The following FPR2 variants were observed in gnomAD, a reference collection of about 807,000 sequenced individuals.
FPR2 encodes N-formyl peptide receptor 2.
A neutral mutation model predicts 4.0 loss-of-function variants in FPR2; 3 were observed. The ratio of observed to expected loss-of-function variants is 0.74; its 90% confidence interval spans 0.34 to 1.92. The LOEUF (loss-of-function observed/expected upper bound fraction) is 1.92. FPR2 is among the 30% of genes most tolerant of loss of function. The probability of loss-of-function intolerance (pLI) is 0.07; values close to 1 mark genes in which losing one functional copy is unlikely to be tolerated. For missense variants in FPR2, 372 were observed against 435.7 expected (o/e 0.85, Z 1.30); for synonymous variants, 179 against 171.5 (o/e 1.04, Z -0.34).
chr19:51,762,243 G>A (rs757025743), intron 1 of FPR2, among the ~76,000 whole-genome samples: 14 of 151,258 alleles, frequency 9.3e-5, no homozygotes, highest in African/African-American at 2.2e-4. Context: ...CCGCCATCAC[G>A]CCCAGCTAAT....
chr19:51,769,071 C>T lies in FPR2; in HGVS notation c.413C>T (p.Thr138Ile). ...CCAGTCTGGGCCCAGAACCACCGCA[C>T]TGTGAGTCTGGCCATGAAGGTGATC... ...LHPVWAQNHR[T>I]VSLAMKVIVG... Residue 138 changes from threonine (T) to isoleucine (I), a missense_variant, in exon 2 of 2, where the codon ACT (threonine) becomes ATT (isoleucine). Coordinates refer to ENST00000340023, the MANE Select transcript of FPR2 (RefSeq NM_001005738.2). The surrounding 1 kb of genome is among the most constrained non-coding windows in gnomAD (Gnocchi z 4.4). The T allele has an allele frequency of 1.2e-6, 2 of 1,614,216 alleles. No individual in the cohort carries two copies. The highest frequency in any genetic ancestry group is 1.3e-5 in the African/African-American group (1 of 75,050).
rs975987755 is a variant in FPR2 at position 51,770,531 on chromosome 19, A to C, written c.*817A>C. 3 of 167,076 alleles carry C rather than the reference A, an allele frequency of 1.8e-5. No homozygotes were observed. Among genetic ancestry groups the C allele is most frequent in the African/African-American group, 7.2e-5 (3 of 41,456 alleles). 10.3% of individuals were successfully genotyped at this position (167,076 alleles called of 1,614,324 possible). On this transcript the variant is annotated 3_prime_UTR_variant, in exon 2 of 2. Coordinates refer to ENST00000340023, the MANE Select transcript of FPR2 (RefSeq NM_001005738.2). ...TCAGAAAAATTCACCAGTGAAGCCAACTTGGTCTTGTGTTTTCTTTCTGGG... is the reference window on the plus strand; with the variant it reads ...TCAGAAAAATTCACCAGTGAAGCCACCTTGGTCTTGTGTTTTCTTTCTGGG...
chr19:51,768,524 GTAGA>G (rs1399123330), intron 1 of FPR2, 117 bp from the exon 2 acceptor site: 1 of 765,142 alleles, frequency 1.3e-6, no homozygotes, highest in African/African-American at 1.8e-5. Flanking sequence ...ACAAGGCTTG[GTAGA>G]TAGAGTGGGT....
Position 51,769,986 on chromosome 19 carries a change from A to G in FPR2, c.*272A>G. 1 of 436,342 alleles carries G rather than the reference A, an allele frequency of 2.3e-6. No homozygotes were observed. The allele number at this position is 436,342 out of a possible 1,614,324, so 27.0% of individuals were successfully genotyped here. ...AAGAGAAAGACCAGTGGGGATTTGTAAGACTTAGATGAGATAGCGCATAAT... is the reference window on the plus strand; with the variant it reads ...AAGAGAAAGACCAGTGGGGATTTGTGAGACTTAGATGAGATAGCGCATAAT... On this transcript the variant is annotated 3_prime_UTR_variant, in exon 2 of 2. Transcript: ENST00000340023. The surrounding 1 kb of genome is among the most constrained non-coding windows in gnomAD (Gnocchi z 4.4).
chr19:51,766,840 C>T (rs1037817154), intron 1 of FPR2, among the ~76,000 whole-genome samples: 3 of 152,214 alleles, frequency 2.0e-5, no homozygotes, highest in Admixed American at 2.0e-4. Context: ...ATAGCCCAGT[C>T]TGAGATGATT....
At chr19:51,768,416 G>A (rs117354798) in intron 1 of FPR2, 5,948 of 489,628 alleles carry the variant, frequency 0.012, 59 homozygotes, top group South Asian at 0.018. Flanking sequence ...TGATCAGCCC[G>A]ATAAGCGAAA....
At chr19:51,762,444 G>T (rs1412171082) in intron 1 of FPR2, 1 of 151,346 alleles carries the variant, frequency 6.6e-6, no homozygotes, top group Non-Finnish European at 1.4e-5. Flanking sequence ...CCAGGCTGGA[G>T]TGCAATGGCA....
rs926228240 is a variant in FPR2 at position 51,768,429 on chromosome 19, C to A, written c.-14-216C>A. On this transcript the variant is annotated intron_variant, in intron 1 of 1. Coordinates refer to ENST00000340023, the MANE Select transcript of FPR2 (RefSeq NM_001005738.2). ...AGTGATCAGCCCGATAAGCGAAATG[C>A]ATATTGATAATGATGGGAATATGGA... 2.9e-5 allele frequency: 15 copies of A among 523,076 alleles called. No individual in the cohort carries two copies. The East Asian group carries it at 3.9e-4, about 14-fold the overall frequency. 32.4% of individuals were successfully genotyped at this position (523,076 alleles called of 1,614,324 possible).
At chr19:51,761,733 C>A (rs191499450) in intron 1 of FPR2, among the ~76,000 whole-genome samples, 130 of 152,204 alleles carry the variant, frequency 8.5e-4, no homozygotes, top group Non-Finnish European at 1.3e-3. Flanking sequence ...GCCGAGGTTG[C>A]AGTGAGCCGA....
Position 51,768,868 on chromosome 19 carries a change from T to G in FPR2, c.210T>G (p.Ala70=). The G allele has an allele frequency of 6.2e-7, 1 of 1,614,216 alleles. No homozygotes were observed. The highest frequency in any genetic ancestry group is 8.5e-7 in the Non-Finnish European group (1 of 1,180,032). ...TCTGTTACCTGAACCTGGCCCTGGC[T>G]GACTTTTCTTTCACGGCCACATTAC... The part of the protein sequence containing the change: ...TTICYLNLAL[A]DFSFTATLPF... The change falls in exon 2 of 2, where the codon GCT becomes GCG. Residue 70 remains alanine (A), a synonymous_variant. Transcript: ENST00000340023.
Position 51,769,089 on chromosome 19 carries a change from A to C in FPR2, c.431A>C (p.Lys144Thr), listed in dbSNP as rs780662264. Residue 144 changes from lysine (K) to threonine (T), a missense_variant, in exon 2 of 2, where the codon AAG becomes ACG. Transcript: ENST00000340023. The surrounding 1 kb of genome is among the most constrained non-coding windows in gnomAD (Gnocchi z 4.4). ...QNHRTVSLAM[K>T]VIVGPWILAL... ...CACCGCACTGTGAGTCTGGCCATGA[A>C]GGTGATCGTCGGACCTTGGATTCTT... The C allele has an allele frequency of 3.1e-6, 5 of 1,614,090 alleles. No homozygotes were observed. In the Admixed American group the frequency reaches 6.7e-5, roughly 22 times the overall value.
rs1428770955 is a variant in FPR2, at chr19:51,769,160, A to G, written c.502A>G (p.Thr168Ala). ...AGTTTTCCTCTTTTTGACTACAGTA[A>G]CTATTCCAAATGGGGACACATACTG... The part of the protein sequence containing the change: ...LPVFLFLTTV[T>A]IPNGDTYCTF... Residue 168 changes from threonine to alanine, a missense_variant, in exon 2 of 2, where the codon ACT becomes GCT. Thr to Ala is a moderately conservative substitution (Grantham distance 58). Transcript: ENST00000340023. This position sits in a 1 kb window ranked among gnomAD's most constrained non-coding sequence, Gnocchi z 4.4. 1.2e-6 allele frequency: 2 copies of G among 1,614,204 alleles called. No homozygotes were observed. The highest frequency in any genetic ancestry group is 1.1e-5 in the South Asian group (1 of 91,078).
At chr19:51,763,353 A>T (rs1210883708) in intron 1 of FPR2, 2 of 152,176 alleles carry the variant, frequency 1.3e-5, no homozygotes, top group Admixed American at 6.5e-5. Flanking sequence ...TTATCATCTC[A>T]TGGCACAGGA....
chr19:51,763,915 C>T (rs755301269), intron 1 of FPR2, among the ~76,000 whole-genome samples: 3 of 152,012 alleles, frequency 2.0e-5, no homozygotes, highest in Non-Finnish European at 2.9e-5. Context: ...CGTGCCATCA[C>T]GTCCAGCTAA....
In FPR2 at chr19:51,769,486, G is replaced by A. The variant is rs1205476784; in HGVS notation, c.828G>A (p.Lys276=). The A allele has an allele frequency of 6.2e-7, 1 of 1,614,220 alleles. No individual in the cohort carries two copies. The highest frequency in any genetic ancestry group is 8.5e-7 in the Non-Finnish European group (1 of 1,180,044). Reference sequence around the variant, plus strand: ...TCAAAGAGATGTTGTTCTATGGCAAGTACAAAATCATTGACATCCTGGTTA... The same window carrying A: ...TCAAAGAGATGTTGTTCTATGGCAAATACAAAATCATTGACATCCTGGTTA... ...VWLKEMLFYG[K]YKIIDILVNP... Residue 276 remains lysine (K), a synonymous_variant, in exon 2 of 2, where the codon AAG becomes AAA. Transcript: ENST00000340023. This position sits in a 1 kb window ranked among gnomAD's most constrained non-coding sequence, Gnocchi z 4.4.
In FPR2 at chr19:51,768,967, C is replaced by T. The variant is rs780942586; in HGVS notation, c.309C>T (p.Ile103=). The T allele has an allele frequency of 2.5e-6, 4 of 1,614,056 alleles. No homozygotes were observed. The highest frequency in any genetic ancestry group is 3.4e-6 in the Non-Finnish European group (4 of 1,180,036). Residue 103 remains isoleucine (I), a synonymous_variant, in exon 2 of 2, where the codon ATC becomes ATT. Transcript: ENST00000340023. ...FGWFLCKLIH[I]VVDINLFGSV... ...GGTTCCTGTGTAAGTTAATTCACAT[C>T]GTGGTGGACATCAACCTCTTTGGAA...
chr19:51,769,065 A>G lies in FPR2; in HGVS notation c.407A>G (p.His136Arg). The G allele has an allele frequency of 6.2e-7, 1 of 1,614,144 alleles. No individual in the cohort carries two copies. Among genetic ancestry groups the G allele is most frequent in the Non-Finnish European group, 8.5e-7 (1 of 1,180,038 alleles). The change falls in exon 2 of 2, where the codon CAC (histidine) becomes CGC (arginine). Residue 136 changes from histidine (H) to arginine (R), a missense_variant. By Grantham distance (29) the His-to-Arg change is conservative. Coordinates refer to ENST00000340023, the MANE Select transcript of FPR2 (RefSeq NM_001005738.2). The surrounding 1 kb of genome is among the most constrained non-coding windows in gnomAD (Gnocchi z 4.4). ...CVLHPVWAQN[H>R]RTVSLAMKVI... ...CTGCATCCAGTCTGGGCCCAGAACCACCGCACTGTGAGTCTGGCCATGAAG... is the reference window on the plus strand; with the variant it reads ...CTGCATCCAGTCTGGGCCCAGAACCGCCGCACTGTGAGTCTGGCCATGAAG...
At position 51,769,948 on chromosome 19, in the gene FPR2, T is replaced by C; in HGVS notation, c.*234T>C. 1.9e-6 allele frequency: 1 copy of C among 516,398 alleles called. No individual in the cohort carries two copies. The highest frequency in any genetic ancestry group is 3.6e-6 in the Non-Finnish European group (1 of 280,306). The allele number at this position is 516,398 out of a possible 1,614,324, so 32.0% of individuals were successfully genotyped here. ...GCCTATACCCTGGGGTAAGTGGAGT[T>C]GGGAAATACAAGAAGAGAAAGACCA... On this transcript the variant is annotated 3_prime_UTR_variant, in exon 2 of 2. Coordinates refer to ENST00000340023, the MANE Select transcript of FPR2 (RefSeq NM_001005738.2). The surrounding 1 kb of genome is among the most constrained non-coding windows in gnomAD (Gnocchi z 4.4).
intron 1 of FPR2, among the ~76,000 whole-genome samples, chr19:51,761,909 A>G (rs950687255): frequency 3.7e-4 from 57 of 152,174 alleles, no homozygotes; most frequent in Non-Finnish European, 1.0e-4. Flanking sequence ...TGCATGTTCA[A>G]GGAATCAGAG....
Sources: allele counts gnomAD v4.1 joint callset (sites outside exome capture counted in the v4.1 genomes callset), GRCh38; gene constraint gnomAD v4.1.1; non-coding constraint Gnocchi (gnomAD v3.1); transcripts MANE v1.5; gene names NCBI Gene and HGNC (gene_info 2026-07-23, HGNC 2026-07-21).